DYNC2LI1: variants seen among roughly 807,000 people sequenced by gnomAD.
DYNC2LI1 encodes cytoplasmic dynein 2 light intermediate chain 1.
In DYNC2LI1, 45 loss-of-function variants were observed where a neutral mutation model predicts 51.9. That is an observed-to-expected ratio of 0.87 (90% CI 0.68 to 1.11). The LOEUF (loss-of-function observed/expected upper bound fraction) is 1.11, where lower values mean the gene tolerates loss of function less well. Ranked by LOEUF, DYNC2LI1 falls within the 50% of genes most tolerant of loss-of-function variation. The pLI is 0.00. For synonymous variants in DYNC2LI1, 130 were observed against 137.8 expected (o/e 0.94, Z 0.40); for missense variants, 490 against 417.4 (o/e 1.17, Z -1.51).
chr2:43,815,143 C>T, the DYNC2LI1 span, among the ~76,000 whole-genome samples: 2 of 152,116 alleles, frequency 1.3e-5, no homozygotes, highest in African/African-American at 4.8e-5. Context: ...TTAGAACTAA[C>T]CTAGAATACA....
chr2:43,799,494 T>A (rs1666003420), intron 8 of DYNC2LI1, among the ~76,000 whole-genome samples: 1 of 152,242 alleles, frequency 6.6e-6, no homozygotes, highest in South Asian at 2.1e-4. Flanking sequence ...GTGACTAAAT[T>A]CATTCTTTGC....
chr2:43,796,744 A>T lies in DYNC2LI1; in HGVS notation c.603A>T (p.Val201=). ...FQDFESEKRK[V]ICKTLRFVAH... is the part of the protein sequence containing the mutation. Reference sequence around the variant, plus strand: ...ATTTTGAGTCTGAGAAGAGAAAGGTAATATGCAAGACACTTCGATTTGTTG... The same window carrying T: ...ATTTTGAGTCTGAGAAGAGAAAGGTTATATGCAAGACACTTCGATTTGTTG... Residue 201 remains valine, a synonymous_variant, in exon 8 of 13, where the codon GTA becomes GTT. Transcript: ENST00000260605. The T allele has an allele frequency of 6.2e-7, 1 of 1,613,330 alleles. No individual in the cohort carries two copies. Among genetic ancestry groups the T allele is most frequent in the South Asian group, 1.1e-5 (1 of 91,022 alleles).
intron 4 of DYNC2LI1, 75 bp from the exon 5 acceptor site, chr2:43,789,558 A>G: frequency 3.2e-6 from 4 of 1,239,348 alleles, no homozygotes; most frequent in Non-Finnish European, 4.6e-6. Context: ...TTGTATGTAT[A>G]ATTATTACTG....
the DYNC2LI1 span, chr2:43,828,203 C>G: frequency 6.3e-7 from 1 of 1,588,806 alleles, no homozygotes; most frequent in Non-Finnish European, 8.6e-7. Context: ...AAAGAGGCAG[C>G]ACACCGCCCA....
intron 2 of DYNC2LI1, among the ~76,000 whole-genome samples, chr2:43,783,148 A>G (rs1214495292): frequency 6.6e-6 from 1 of 152,168 alleles, no homozygotes; most frequent in Non-Finnish European, 1.5e-5. Flanking sequence ...CACTTCAACA[A>G]TTGGAATTAA....
intron 10 of DYNC2LI1, among the ~76,000 whole-genome samples, chr2:43,803,362 A>G (rs1666136102): frequency 6.6e-6 from 1 of 152,246 alleles, no homozygotes; most frequent in South Asian, 2.1e-4. Flanking sequence ...AATAATTGAT[A>G]CACACAGACT....
At chr2:43,792,797 C>T (rs10199778) in intron 5 of DYNC2LI1, 139,945 of 1,529,052 alleles carry the variant, frequency 0.092, 9,329 homozygotes, top group African/African-American at 0.28. Context: ...ATAACGTCTT[C>T]AGGGTTCTTC....
the DYNC2LI1 span, among the ~76,000 whole-genome samples, chr2:43,818,319 CT>C: frequency 6.6e-6 from 1 of 152,120 alleles, no homozygotes; most frequent in Admixed American, 6.6e-5. Flanking sequence ...TGGCGCACAC[CT>C]GTAATCCCAG....
chr2:43,823,902 T>G, the DYNC2LI1 span: 1 of 1,612,960 alleles, frequency 6.2e-7, no homozygotes, highest in South Asian at 1.1e-5. Flanking sequence ...CTCCAGCACG[T>G]GGGCACTTAC....
chr2:43,774,278 C>T (rs1209870620), intron 1 of DYNC2LI1, 132 bp downstream of exon 1: 1 of 1,208,972 alleles, frequency 8.3e-7, no homozygotes, highest in Non-Finnish European at 1.2e-6. Flanking sequence ...GGGTCGGGGA[C>T]CTAGGAATCA....
chr2:43,822,961 ACAGT>A, the DYNC2LI1 span: 54 of 1,612,586 alleles, frequency 3.3e-5, no homozygotes, highest in East Asian at 6.9e-4. Context: ...AGGTTTCAGA[ACAGT>A]CAGTCACCAC....
At chr2:43,796,602 T>C (rs1399735586) in intron 7 of DYNC2LI1, 116 bp from the exon 8 acceptor site, 31 of 724,202 alleles carry the variant, frequency 4.3e-5, no homozygotes. Context: ...TGGAATCCTA[T>C]TCCTGAAAGT....
chr2:43,789,387 G>C lies in DYNC2LI1; in HGVS notation c.232-246G>C, dbSNP rs1475166555. Among the ~76,000 whole-genome samples, 3 of 152,098 alleles carry C rather than the reference G, an allele frequency of 2.0e-5. No individual in the cohort carries two copies. In the East Asian group the frequency reaches 5.8e-4, roughly 29 times the overall value. On this transcript the variant is annotated intron_variant, in intron 4 of 12. Transcript: ENST00000260605. ...GATTGACGCACTGTTGATGTCTTCT[G>C]TTTAGGTATTACTAGAATTAGGGCA...
At chr2:43,822,192 A>G in the DYNC2LI1 span, among the ~76,000 whole-genome samples, 5 of 152,114 alleles carry the variant, frequency 3.3e-5, no homozygotes, top group Non-Finnish European at 7.4e-5. Flanking sequence ...CCTTCTTGTA[A>G]ACCTGACTTG....
chr2:43,800,946 T>G, intron 9 of DYNC2LI1, 29 bp downstream of exon 9: 1 of 1,434,246 alleles, frequency 7.0e-7, no homozygotes, highest in Non-Finnish European at 9.7e-7. Context: ...TTATATCATT[T>G]ATTGAGTGAT....
At chr2:43,792,179 C>G (rs1673821702) in intron 5 of DYNC2LI1, among the ~76,000 whole-genome samples, 2 of 151,990 alleles carry the variant, frequency 1.3e-5, no homozygotes, top group South Asian at 4.2e-4. Context: ...ATTAAAATGA[C>G]ATAAATATAA....
At chr2:43,787,325 C>G in intron 4 of DYNC2LI1, 75 bp downstream of exon 4, 1 of 1,241,672 alleles carries the variant, frequency 8.1e-7, no homozygotes. Flanking sequence ...TTTACATTTT[C>G]CATCTCATCT....
At chr2:43,780,815 G>A (rs376577021) in intron 2 of DYNC2LI1, among the ~76,000 whole-genome samples, 5 of 152,082 alleles carry the variant, frequency 3.3e-5, no homozygotes, top group Admixed American at 1.3e-4. Flanking sequence ...CATCTGGGGC[G>A]ATTGAGGCAA....
the DYNC2LI1 span, chr2:43,822,476 A>AGCC: frequency 3.3e-6 from 1 of 298,512 alleles, no homozygotes; most frequent in Non-Finnish European, 4.3e-6. Flanking sequence ...CCCCTCCCCC[A>AGCC]GGCCCCCCCC....
Sources: allele counts gnomAD v4.1 joint callset (sites outside exome capture counted in the v4.1 genomes callset), GRCh38; gene constraint gnomAD v4.1.1; transcripts MANE v1.5; gene names NCBI Gene and HGNC (gene_info 2026-07-23, HGNC 2026-07-21).